The following EIF3C variants were observed in gnomAD, a reference collection of about 807,000 sequenced individuals.
EIF3C encodes eukaryotic translation initiation factor 3 subunit C.
EIF3C carries 2 observed loss-of-function variants against 11.1 expected under a neutral mutation model. The ratio of observed to expected loss-of-function variants is 0.18; its 90% CI spans 0.07 to 0.57. EIF3C has a LOEUF of 0.57. Among genes scored for constraint, EIF3C ranks in the 20% least tolerant of loss-of-function variants. EIF3C has a pLI of 0.92. For missense variants in EIF3C, 16 were observed against 114.6 expected, an observed-to-expected ratio of 0.14 and a Z score of 3.93; for synonymous variants, 2 against 41.5, an observed-to-expected ratio of 0.05 and a Z score of 3.66.
upstream of EIF3C, among the ~76,000 whole-genome samples, chr16:28,710,152 C>A (rs3760089): frequency 4.0e-5 from 6 of 149,084 alleles, no homozygotes; most frequent in East Asian, 9.9e-4. Flanking sequence ...CCATGCCAGG[C>A]GAATTTTTGT....
Position 28,697,717 on chromosome 16 carries a change from A to G in EIF3C, c.-31+8889A>G, listed in dbSNP as rs1392107710. ...ATGAGCTGTTGGGCACACCTCCCAGACGGGGTGGTGGCCGGTCAGAGGGGC... is the reference window on the plus strand; with the variant it reads ...ATGAGCTGTTGGGCACACCTCCCAGGCGGGGTGGTGGCCGGTCAGAGGGGC... On this transcript the variant is annotated intron_variant, in intron 1 of 20. Coordinates refer to the EIF3C transcript ENST00000566501. Among the ~76,000 whole-genome samples the G allele has an allele frequency of 2.3e-4, 21 of 90,014 alleles. 4 individuals carry two copies. The highest frequency in any genetic ancestry group is 3.5e-4 in the Non-Finnish European group (18 of 51,362). The allele number at this position is 90,014 out of a possible 152,430, so 59.1% of individuals were successfully genotyped here. A position where few individuals can be genotyped will look rare whatever the true frequency, so the allele number is the denominator to read the frequency against.
intron 1 of EIF3C, among the ~76,000 whole-genome samples, chr16:28,697,991 G>A (rs1310279115): frequency 2.5e-4 from 4 of 16,128 alleles, no homozygotes; most frequent in Admixed American, 6.3e-4. Context: ...CTGGCCGGGC[G>A]GGGGGGCTGA....
chr16:28,700,829 C>T (rs1369508999), intron 1 of EIF3C: 5 of 168,440 alleles, frequency 3.0e-5, no homozygotes, highest in African/African-American at 2.2e-4. Flanking sequence ...TCTAGATCAG[C>T]ACACCAGATG....
intron 1 of EIF3C, among the ~76,000 whole-genome samples, chr16:28,697,796 G>T (rs1283786416): frequency 2.1e-5 from 2 of 96,872 alleles, no homozygotes; most frequent in Non-Finnish European, 3.8e-5. Flanking sequence ...CCTCCCGGAT[G>T]GGGCGGCTCG....
intron 1 of EIF3C, among the ~76,000 whole-genome samples, chr16:28,698,608 C>T (rs2048260682): frequency 1.1e-5 from 1 of 94,012 alleles, no homozygotes; most frequent in African/African-American, 9.1e-5. Context: ...GGGTGGCTGC[C>T]GGGCGGAGAC....
At chr16:28,698,020 C>G (rs1239402138) in intron 1 of EIF3C, among the ~76,000 whole-genome samples, 3 of 61,928 alleles carry the variant, frequency 4.8e-5, no homozygotes, top group Non-Finnish European at 8.5e-5. Flanking sequence ...ACCTCCCTCC[C>G]GGACGGGGCG....
At chr16:28,729,855 GA>G (rs1241242470) in intron 15 of EIF3C, among the ~76,000 whole-genome samples, 1 of 150,110 alleles carries the variant, frequency 6.7e-6, no homozygotes, top group African/African-American at 2.5e-5. Context: ...ACCTACTCAG[GA>G]GGCTGAGGTA....
At chr16:28,697,917 G>C (rs1201759162) in intron 1 of EIF3C, among the ~76,000 whole-genome samples, 6 of 92,338 alleles carry the variant, frequency 6.5e-5, no homozygotes, top group African/African-American at 1.1e-4. Flanking sequence ...CCGGGCAGAG[G>C]GGCTCCTCAC....
chr16:28,696,293 G>C lies in EIF3C; in HGVS notation c.-31+7465G>C, dbSNP rs571165039. Among the ~76,000 whole-genome samples the C allele has an allele frequency of 7.7e-4, 43 of 55,888 alleles. 6 individuals are homozygous for C. The highest frequency in any genetic ancestry group is 1.1e-3 in the Non-Finnish European group (34 of 31,686). 36.7% of individuals were successfully genotyped at this position (55,888 alleles called of 152,430 possible). On this transcript the variant is annotated intron_variant, in intron 1 of 20. Transcript: ENST00000566501. Reference sequence around the variant, plus strand: ...AGGCAGGAGAATCCCTTGAACCTGGGAGGCAGAGGCTTCAGTGAGCTGAGA... The same window carrying C: ...AGGCAGGAGAATCCCTTGAACCTGGCAGGCAGAGGCTTCAGTGAGCTGAGA...
chr16:28,698,249 G>T (rs1303552664), intron 1 of EIF3C, among the ~76,000 whole-genome samples: 14 of 111,508 alleles, frequency 1.3e-4, no homozygotes, highest in Middle Eastern at 5.4e-3. Flanking sequence ...CTGGCCGGGT[G>T]GGGGGGCTGA....
upstream of EIF3C, among the ~76,000 whole-genome samples, chr16:28,709,923 C>CA (rs1310810646): frequency 0.082 from 1,070 of 13,080 alleles, 33 homozygotes; most frequent in East Asian, 0.22. Flanking sequence ...AACTCCATCT[C>CA]AAAAAAAAAA....
chr16:28,699,447 CCGTGGGGAGAG>C (rs1243375113), intron 1 of EIF3C, among the ~76,000 whole-genome samples: 2 of 95,610 alleles, frequency 2.1e-5, no homozygotes, highest in Non-Finnish European at 1.9e-5. Context: ...GAGAGGGAGA[CCGTGGGGAGAG>C]GGAGACGGAG....
intron 1 of EIF3C, among the ~76,000 whole-genome samples, chr16:28,698,305 G>A (rs1247462906): frequency 9.6e-6 from 1 of 103,930 alleles, no homozygotes; most frequent in Non-Finnish European, 2.0e-5. Flanking sequence ...AGGCTGAGGG[G>A]CTCCTCACTT....
intron 1 of EIF3C, among the ~76,000 whole-genome samples, chr16:28,698,021 G>T: frequency 1.7e-5 from 1 of 58,238 alleles, no homozygotes; most frequent in African/African-American, 1.3e-4. Flanking sequence ...CCTCCCTCCC[G>T]GACGGGGCGG....
At chr16:28,701,256 A>G in intron 1 of EIF3C, 1 of 347,676 alleles carries the variant, frequency 2.9e-6, no homozygotes, top group Non-Finnish European at 5.2e-6. Flanking sequence ...TTTCTTGGGC[A>G]TCTCCTCCAG....
At chr16:28,722,746 GC>G (rs1286234228) in intron 8 of EIF3C, 2 of 135,786 alleles carry the variant, frequency 1.5e-5, no homozygotes, top group African/African-American at 3.9e-5. Context: ...AAGTGCAGTG[GC>G]ATGATTGTGG....
chr16:28,698,002 C>A (rs1258463892), intron 1 of EIF3C, among the ~76,000 whole-genome samples: 4 of 37,094 alleles, frequency 1.1e-4, no homozygotes, highest in Admixed American at 1.0e-3. Flanking sequence ...GGGGGGCTGA[C>A]CCCCCCCACC....
chr16:28,723,266 G>T lies in EIF3C; in HGVS notation c.879G>T (p.Glu293Asp), dbSNP rs2151796850. 6.2e-7 allele frequency: 1 copy of T among 1,614,310 alleles called. No individual in the cohort carries two copies. Among genetic ancestry groups the T allele is most frequent in the Non-Finnish European group, 8.5e-7 (1 of 1,180,062 alleles). ...DRKSKRLDEE[E>D]EDNEGGEWER... is the part of the protein sequence containing the mutation. ...AATCCAAGCGCCTGGATGAGGAGGAGGAGGACAATGAAGGCGGGGAGTGGG... is the reference window on the plus strand; with the variant it reads ...AATCCAAGCGCCTGGATGAGGAGGATGAGGACAATGAAGGCGGGGAGTGGG... The change falls in exon 9 of 21, where the codon GAG becomes GAT. Residue 293 changes from glutamate (E) to aspartate (D), a missense_variant. Physicochemically the swap from Glu to Asp is conservative, Grantham distance 45. Coordinates refer to ENST00000331666, the MANE Select transcript of EIF3C (RefSeq NM_003752.5).
chr16:28,698,249 G>A lies in EIF3C; in HGVS notation c.-31+9421G>A, dbSNP rs1303552664. On this transcript the variant is annotated intron_variant, in intron 1 of 20. Transcript: ENST00000566501. ...TCCCGGACGGGGCGGCTGGCCGGGT[G>A]GGGGGGCTGACCCCCCCATCTCCCT... Among the ~76,000 whole-genome samples the A allele has an allele frequency of 4.1e-4, 46 of 111,348 alleles. No homozygotes were observed. In the South Asian group the frequency reaches 4.3e-3, roughly 10 times the overall value. The allele number at this position is 111,348 out of a possible 152,430, so 73.0% of individuals were successfully genotyped here.
Sources: gnomAD v4.1 joint callset for allele counts (sites outside exome capture counted in the v4.1 genomes callset) on GRCh38, gnomAD v4.1.1 for gene constraint, MANE v1.5 for transcripts, NCBI Gene and HGNC (gene_info 2026-07-23, HGNC 2026-07-21) for gene names.